CFAP299: variants seen among roughly 807,000 people sequenced by gnomAD.
CFAP299 encodes cilia and flagella associated protein 299.
Under a neutral mutation model 27.0 loss-of-function variants are expected in CFAP299, and 21 were observed. The observed-to-expected ratio is 0.78, with a 90% confidence interval of 0.55 to 1.12. The LOEUF is 1.12. CFAP299 is among the 50% of genes most tolerant of loss of function. CFAP299 has a pLI of 0.00. For synonymous variants in CFAP299, 104 were observed against 98.1 expected, an observed-to-expected ratio of 1.06 and a Z score of -0.36; for missense variants, 310 against 276.6, an observed-to-expected ratio of 1.12 and a Z score of -0.86.
chr4:80,516,614 C>A (rs901479779), intron 2 of CFAP299, among the ~76,000 whole-genome samples: 1 of 152,086 alleles, frequency 6.6e-6, no homozygotes, highest in East Asian at 1.9e-4. Flanking sequence ...TGGTGCTAAA[C>A]CATTCATGAG....
chr4:80,322,644 AC>A, the CFAP299 span, among the ~76,000 whole-genome samples: 1 of 152,184 alleles, frequency 6.6e-6, no homozygotes. Context: ...ATCTTAAGAA[AC>A]TTTGAGTTTT....
chr4:80,846,255 G>C (rs1358809072), intron 3 of CFAP299, among the ~76,000 whole-genome samples: 1 of 152,152 alleles, frequency 6.6e-6, no homozygotes, highest in Non-Finnish European at 1.5e-5. Context: ...AATGAGATGA[G>C]TTTCAAAGGG....
intron 4 of CFAP299, chr4:80,872,772 A>G (rs1212828930): frequency 2.9e-6 from 1 of 347,468 alleles, no homozygotes; most frequent in East Asian, 1.7e-4. Context: ...TCTGTGAAGT[A>G]CCTATTAAGA....
chr4:80,916,252 AATATAT>A lies in CFAP299; in HGVS notation c.477-28519_477-28514del, dbSNP rs10696316. Reference sequence around the variant, plus strand: ...ACTCTGGTCTGGGCAACTAGACTGAAATATATATATATATATATATATATATATATA... The same window carrying A: ...ACTCTGGTCTGGGCAACTAGACTGAAATATATATATATATATATATATATA... On this transcript the variant is annotated intron_variant, in intron 4 of 5. Transcript: ENST00000358105. Among the ~76,000 whole-genome samples the A allele has an allele frequency of 6.4e-3, 391 of 60,934 alleles. 4 individuals carry two copies. The highest frequency in any genetic ancestry group is 0.023 in the Middle Eastern group (2 of 88). The allele number at this position is 60,934 out of a possible 152,430, so 40.0% of individuals were successfully genotyped here.
intron 3 of CFAP299, among the ~76,000 whole-genome samples, chr4:80,597,269 G>C (rs955071814): frequency 2.6e-4 from 39 of 152,244 alleles, no homozygotes; most frequent in African/African-American, 9.4e-4. Flanking sequence ...ATTCTAGTAA[G>C]TATATAGCAT....
chr4:80,932,327 T>G (rs1193741733), intron 4 of CFAP299, among the ~76,000 whole-genome samples: 2 of 152,150 alleles, frequency 1.3e-5, no homozygotes, highest in Non-Finnish European at 2.9e-5. Flanking sequence ...AATTTCAGAT[T>G]GAAATTAGAG....
At chr4:80,418,757 G>T (rs1457501880) in intron 2 of CFAP299, among the ~76,000 whole-genome samples, 1 of 152,144 alleles carries the variant, frequency 6.6e-6, no homozygotes, top group East Asian at 1.9e-4. Flanking sequence ...TTGTCCGTAC[G>T]TATTGGGCTT....
At chr4:80,869,922 C>T in intron 3 of CFAP299, 71 bp from the exon 4 acceptor site, 1 of 1,414,038 alleles carries the variant, frequency 7.1e-7, no homozygotes, top group Non-Finnish European at 9.7e-7. Flanking sequence ...TTACATCATT[C>T]TATCCTATGG....
Position 80,403,939 on chromosome 4 carries a change from G to A in CFAP299, c.242+41055G>A, listed in dbSNP as rs146938015. On this transcript the variant is annotated intron_variant, in intron 2 of 5. Transcript: ENST00000358105. Reference sequence around the variant, plus strand: ...TATATGTATTATGAACAAGGTAGCAGTAAGATTATTTGTCATTCATTTTGC... The same window carrying A: ...TATATGTATTATGAACAAGGTAGCAATAAGATTATTTGTCATTCATTTTGC... Among the ~76,000 whole-genome samples, 938 of 152,206 alleles carry A rather than the reference G, an allele frequency of 6.2e-3. 2 individuals are homozygous for A. The highest frequency in any genetic ancestry group is 0.024 in the Middle Eastern group (7 of 294).
intron 2 of CFAP299, among the ~76,000 whole-genome samples, chr4:80,529,868 C>T (rs1463484586): frequency 6.6e-6 from 1 of 151,886 alleles, no homozygotes; most frequent in Non-Finnish European, 1.5e-5. Context: ...AGGAAGGAAA[C>T]TGAATTACAC....
intron 2 of CFAP299, among the ~76,000 whole-genome samples, chr4:80,458,551 T>A (rs1729280963): frequency 6.6e-6 from 1 of 152,232 alleles, no homozygotes; most frequent in South Asian, 2.1e-4. Flanking sequence ...TATAAGATGG[T>A]TGTTTAAGAC....
intron 3 of CFAP299, among the ~76,000 whole-genome samples, chr4:80,847,381 A>G (rs1029076141): frequency 4.6e-5 from 7 of 152,184 alleles, no homozygotes; most frequent in Non-Finnish European, 7.4e-5. Context: ...GGATACCCAC[A>G]TACAACTCTT....
chr4:80,779,950 G>A (rs970558444), intron 3 of CFAP299, among the ~76,000 whole-genome samples: 1 of 152,054 alleles, frequency 6.6e-6, no homozygotes, highest in Admixed American at 6.6e-5. Context: ...CTGTGGAGCA[G>A]AGCTTGGAAA....
At chr4:80,812,073 G>T (rs1231608097) in intron 3 of CFAP299, among the ~76,000 whole-genome samples, 2 of 152,026 alleles carry the variant, frequency 1.3e-5, no homozygotes, top group Non-Finnish European at 2.9e-5. Flanking sequence ...TAGAATATAT[G>T]AATACAAACA....
chr4:80,335,725 C>G (rs762758548), upstream of CFAP299: 33 of 1,209,390 alleles, frequency 2.7e-5, no homozygotes, highest in Non-Finnish European at 3.9e-5. Context: ...TGACCCTGCC[C>G]TCCTGCTTCC....
At chr4:80,413,146 G>A (rs1411704150) in intron 2 of CFAP299, among the ~76,000 whole-genome samples, 2 of 152,194 alleles carry the variant, frequency 1.3e-5, no homozygotes, top group African/African-American at 4.8e-5. Flanking sequence ...AAAAGTATGG[G>A]TGAAAGCTTA....
intron 4 of CFAP299, among the ~76,000 whole-genome samples, chr4:80,920,098 C>A (rs1364768969): frequency 6.6e-6 from 1 of 152,086 alleles, no homozygotes; most frequent in East Asian, 1.9e-4. Flanking sequence ...GTTTTGTCTA[C>A]TCTTGTATGC....
chr4:80,780,917 G>T (rs898733643), intron 3 of CFAP299, among the ~76,000 whole-genome samples: 7 of 151,820 alleles, frequency 4.6e-5, no homozygotes, highest in African/African-American at 1.4e-4. Flanking sequence ...CAAAACTCAT[G>T]AATGTTTATG....
intron 3 of CFAP299, among the ~76,000 whole-genome samples, chr4:80,678,668 A>G (rs1340465061): frequency 6.6e-6 from 1 of 152,036 alleles, no homozygotes; most frequent in African/African-American, 2.4e-5. Flanking sequence ...AATCTAATAC[A>G]ATTATTAGTA....
Sources: gnomAD v4.1 joint callset for allele counts (sites outside exome capture counted in the v4.1 genomes callset) on GRCh38, gnomAD v4.1.1 for gene constraint, MANE v1.5 for transcripts, NCBI Gene and HGNC (gene_info 2026-07-23, HGNC 2026-07-21) for gene names.